Variants in CHD5 observed in about 807,000 individuals in gnomAD.
The protein encoded by CHD5 is chromodomain helicase DNA binding protein 5, also known as ATP-dependent chromatin remodeler CHD5.
In CHD5, 69 loss-of-function variants were observed where a neutral mutation model predicts 230.3. The ratio of observed to expected loss-of-function variants is 0.30; its 90% CI spans 0.25 to 0.37. The LOEUF (loss-of-function observed/expected upper bound fraction) is 0.37, where lower values mean the gene tolerates loss of function less well. Among genes scored for constraint, CHD5 ranks in the 10% least tolerant of loss-of-function variants. The pLI is 1.00. For missense variants in CHD5, 1,827 were observed against 2,622.8 expected (o/e 0.70, Z 6.63); for synonymous variants, 1,064 against 1,065.9 (o/e 1.00, Z 0.03).
In CHD5 at chr1:6,109,925, C is replaced by G; in HGVS notation, c.5448G>C (p.Gln1816His). The change falls in exon 38 of 42, where the codon CAG becomes CAC. Residue 1816 changes from glutamine to histidine, a missense_variant. Coordinates refer to ENST00000262450, the MANE Select transcript of CHD5 (RefSeq NM_015557.3). ...LRRAAYLNMTQDPNHPAMALN... is the reference protein window; with the variant it reads ...LRRAAYLNMTHDPNHPAMALN... Reference sequence around the variant, plus strand: ...GGGCCATGGCGGGGTGGTTGGGGTCCTGCGTCATGTTCAGGTACGCGGCCC... The same window carrying G: ...GGGCCATGGCGGGGTGGTTGGGGTCGTGCGTCATGTTCAGGTACGCGGCCC... 3 of 1,607,224 alleles carry G rather than the reference C, an allele frequency of 1.9e-6. No individual in the cohort carries two copies. Among genetic ancestry groups the G allele is most frequent in the Non-Finnish European group, 2.5e-6 (3 of 1,177,196 alleles).
Position 6,155,446 on chromosome 1 carries a change from G to A in CHD5, c.506+153C>T, listed in dbSNP as rs1179772346. Among the ~76,000 whole-genome samples the A allele has an allele frequency of 2.0e-5, 3 of 152,018 alleles. No homozygotes were observed. On this transcript the variant is annotated intron_variant, in intron 4 of 41. Coordinates refer to ENST00000262450, the MANE Select transcript of CHD5 (RefSeq NM_015557.3). The surrounding 1 kb of genome is among the most constrained non-coding windows in gnomAD (Gnocchi z 4.0). ...TGGTCTGTTAACATGAAGGGGTCCT[G>A]CCCCCTCCCTCCAGCTCCCCCAGGT...
chr1:6,133,931 T>C lies in CHD5; in HGVS notation c.3144+197A>G, dbSNP rs367593471. ...AGGTGTGGGGAGATGTTGCTCTTTA[T>C]GGCAAATGTGTTCTGAGCTCCTCAG... On this transcript the variant is annotated intron_variant, in intron 20 of 41. Transcript: ENST00000262450. 5.6e-3 allele frequency among the ~76,000 whole-genome samples: 852 copies of C among 152,298 alleles called. 9 individuals are homozygous for C. Among genetic ancestry groups the C allele is most frequent in the South Asian group, 0.019 (90 of 4,826 alleles).
At chr1:6,133,291 GT>G (rs1666687516) in intron 20 of CHD5, among the ~76,000 whole-genome samples, 1 of 152,154 alleles carries the variant, frequency 6.6e-6, no homozygotes, top group Admixed American at 6.5e-5. Context: ...GGGGATGTGG[GT>G]CCATCTCCAC....
chr1:6,134,257 C>G lies in CHD5; in HGVS notation c.3015G>C (p.Glu1005Asp), dbSNP rs755006150. Residue 1005 changes from glutamate (E) to aspartate (D), a missense_variant and splice_region_variant, in exon 20 of 42, where the codon GAG (glutamate) becomes GAC (aspartate). By Grantham distance (45) the Glu-to-Asp change is conservative. Around this residue, in one of 14 missense-constraint regions of CHD5, gnomAD observed 38 missense variants for 49.5 expected, o/e 0.77. Transcript: ENST00000262450. This position sits in a 1 kb window ranked among gnomAD's most constrained non-coding sequence, Gnocchi z 6.3. ...AGGAGCCATTGGGCAAGACAGGGGC[C>G]TCCTGCAGACACAGCAGGAGGTGGG... ...HPYLFPVAAV[E>D]APVLPNGSYD... 1 of 1,612,810 alleles carries G rather than the reference C, an allele frequency of 6.2e-7. No homozygotes were observed. The highest frequency in any genetic ancestry group is 1.1e-5 in the South Asian group (1 of 91,082).
Position 6,180,053 on chromosome 1 carries a change from GC to G in CHD5, c.-31del, listed in dbSNP as rs375320873. ...GGCGCGGGGAGGAGGGGAGGTGGGCGCCCCCCCTCCCGCCGGGCGCGGTGCC... is the reference window on the plus strand; with the variant it reads ...GGCGCGGGGAGGAGGGGAGGTGGGCGCCCCCCTCCCGCCGGGCGCGGTGCC... On this transcript the variant is annotated 5_prime_UTR_variant, in exon 1 of 42. Coordinates refer to ENST00000262450, the MANE Select transcript of CHD5 (RefSeq NM_015557.3). 66 of 1,204,400 alleles carry G rather than the reference GC, an allele frequency of 5.5e-5. 1 individual carries two copies. In the East Asian group the frequency reaches 6.2e-4, roughly 11 times the overall value. 74.6% of individuals were successfully genotyped at this position (1,204,400 alleles called of 1,614,324 possible). A position where few individuals can be genotyped will look rare whatever the true frequency, so the allele number is the denominator to read the frequency against.
chr1:6,148,171 C>T (rs1666940665), intron 9 of CHD5, among the ~76,000 whole-genome samples: 1 of 152,198 alleles, frequency 6.6e-6, no homozygotes, highest in South Asian at 2.1e-4. Flanking sequence ...GGAGGCACAG[C>T]CCAGGACCTG....
chr1:6,158,534 G>T (rs1667113962), intron 3 of CHD5, among the ~76,000 whole-genome samples: 1 of 152,208 alleles, frequency 6.6e-6, no homozygotes, highest in African/African-American at 2.4e-5. Flanking sequence ...AATTAGCTGT[G>T]CGTGGTGATG....
At chr1:6,119,850 T>TTA (rs139280601) in intron 33 of CHD5, among the ~76,000 whole-genome samples, 16,148 of 134,408 alleles carry the variant, frequency 0.12, 1,206 homozygotes, top group South Asian at 0.23. Context: ...TATGTGTGTA[T>TTA]TATATATATA....
At position 6,113,105 on chromosome 1, in the gene CHD5, G is replaced by A. The variant is rs559392178; in HGVS notation, c.4913-107C>T. The A allele has an allele frequency of 3.7e-4, 288 of 779,040 alleles. 1 individual carries two copies. The highest frequency in any genetic ancestry group is 2.0e-3 in the African/African-American group (119 of 58,178). The allele number at this position is 779,040 out of a possible 1,614,324, so 48.3% of individuals were successfully genotyped here. Reference sequence around the variant, plus strand: ...GGAACCCTATCCATCAATATGTTCCGCAGAGTCCAACAGGTGCCACCAAAA... The same window carrying A: ...GGAACCCTATCCATCAATATGTTCCACAGAGTCCAACAGGTGCCACCAAAA... On this transcript the variant is annotated intron_variant, in intron 33 of 41. Coordinates refer to ENST00000262450, the MANE Select transcript of CHD5 (RefSeq NM_015557.3).
intron 17 of CHD5, among the ~76,000 whole-genome samples, chr1:6,136,065 G>A (rs562621993): frequency 5.3e-5 from 8 of 151,700 alleles, no homozygotes; most frequent in African/African-American, 9.7e-5. Flanking sequence ...TTCCAAAATC[G>A]ACACTGTGCA....
chr1:6,149,773 G>GGATGGATGGATGGATGGACA lies in CHD5; in HGVS notation c.995-381_995-362dup, dbSNP rs1360237327. 2.7e-3 allele frequency among the ~76,000 whole-genome samples: 403 copies of GGATGGATGGATGGATGGACA among 150,320 alleles called. 2 individuals carry two copies. Among genetic ancestry groups the GGATGGATGGATGGATGGACA allele is most frequent in the African/African-American group, 9.5e-3 (388 of 40,822 alleles). ...GACAAATGGAAATGGGTGGACTGAT[G>GGATGGATGGATGGATGGACA]GATGGATGGATGGATGGACAAATGG... On this transcript the variant is annotated intron_variant, in intron 7 of 41. Coordinates refer to ENST00000262450, the MANE Select transcript of CHD5 (RefSeq NM_015557.3).
Position 6,126,895 on chromosome 1 carries a change from C to T in CHD5, c.3904-149G>A. On this transcript the variant is annotated intron_variant, in intron 25 of 41. Coordinates refer to ENST00000262450, the MANE Select transcript of CHD5 (RefSeq NM_015557.3). This position sits in a 1 kb window ranked among gnomAD's most constrained non-coding sequence, Gnocchi z 5.7. ...CCTACTCCAGGAAGCCTTCTCTGAT[C>T]ACCCCGGCCCTAGCTAGCTTTTCTC... The T allele has an allele frequency of 1.5e-6, 1 of 657,632 alleles. No individual in the cohort carries two copies. The highest frequency in any genetic ancestry group is 2.6e-6 in the Non-Finnish European group (1 of 384,414). The allele number at this position is 657,632 out of a possible 1,614,324, so 40.7% of individuals were successfully genotyped here.
chr1:6,148,156 C>A (rs933200612), intron 9 of CHD5, among the ~76,000 whole-genome samples: 1 of 152,174 alleles, frequency 6.6e-6, no homozygotes, highest in Non-Finnish European at 1.5e-5. Context: ...CGGCCCAGGG[C>A]TAAAGGAGGC....
chr1:6,121,434 C>T lies in CHD5; in HGVS notation c.4779+60G>A. 6.6e-7 allele frequency: 1 copy of T among 1,525,850 alleles called. No homozygotes were observed. The highest frequency in any genetic ancestry group is 1.4e-5 in the African/African-American group (1 of 73,330). 94.5% of individuals were successfully genotyped at this position (1,525,850 alleles called of 1,614,324 possible). ...CTCGCTGTACAGGGCCTGAGAAGGTCCCCAGACCCAACCTCCACCCCACAC... is the reference window on the plus strand; with the variant it reads ...CTCGCTGTACAGGGCCTGAGAAGGTTCCCAGACCCAACCTCCACCCCACAC... On this transcript the variant is annotated intron_variant, in intron 32 of 41. Transcript: ENST00000262450. This position sits in a 1 kb window ranked among gnomAD's most constrained non-coding sequence, Gnocchi z 4.5.
At position 6,125,287 on chromosome 1, in the gene CHD5, G is replaced by T; in HGVS notation, c.4261-54C>A. 10 of 1,431,734 alleles carry T rather than the reference G, an allele frequency of 7.0e-6. No homozygotes were observed. Among genetic ancestry groups the T allele is most frequent in the Non-Finnish European group, 9.5e-6 (10 of 1,053,734 alleles). The allele number at this position is 1,431,734 out of a possible 1,614,324, so 88.7% of individuals were successfully genotyped here. ...CCCAGGACAGAGAGGGGTGGGGGTG[G>T]AGGATTCTGGGATGGGGGAAGAAAA... On this transcript the variant is annotated intron_variant, in intron 28 of 41. Coordinates refer to ENST00000262450, the MANE Select transcript of CHD5 (RefSeq NM_015557.3). This position sits in a 1 kb window ranked among gnomAD's most constrained non-coding sequence, Gnocchi z 6.7.
In CHD5 at chr1:6,130,720, G is replaced by C. The variant is rs1410508617; in HGVS notation, c.3263-392C>G. On this transcript the variant is annotated intron_variant, in intron 21 of 41. Transcript: ENST00000262450. This position sits in a 1 kb window ranked among gnomAD's most constrained non-coding sequence, Gnocchi z 4.9. ...TTCCCTTAGCCCACCGATGCTGCCA[G>C]GGCAGCCCGGGAAAACTCAGGGGCG... 6.6e-6 allele frequency among the ~76,000 whole-genome samples: 1 copy of C among 152,228 alleles called. No individual in the cohort carries two copies. The highest frequency in any genetic ancestry group is 1.9e-4 in the East Asian group (1 of 5,180).
chr1:6,124,666 G>T lies in CHD5; in HGVS notation c.4395-5C>A. 3 of 1,426,010 alleles carry T rather than the reference G, an allele frequency of 2.1e-6. No homozygotes were observed. The highest frequency in any genetic ancestry group is 2.9e-6 in the Non-Finnish European group (3 of 1,047,408). 88.3% of individuals were successfully genotyped at this position (1,426,010 alleles called of 1,614,324 possible). On this transcript the variant is annotated splice_polypyrimidine_tract_variant and splice_region_variant and intron_variant, in intron 29 of 41. Transcript: ENST00000262450. ...ATGAAGAGGGACACATAGGCTCTGGGGTGGGGGGGGGGGACTGGGGCTCAG... is the reference window on the plus strand; with the variant it reads ...ATGAAGAGGGACACATAGGCTCTGGTGTGGGGGGGGGGGACTGGGGCTCAG...
rs546984851 is a variant in CHD5 at position 6,154,628 on chromosome 1, G to A, written c.745+32C>T. 2.9e-4 allele frequency: 441 copies of A among 1,519,936 alleles called. 4 individuals are homozygous for A. In the East Asian group the frequency reaches 9.2e-3, roughly 32 times the overall value. The allele number at this position is 1,519,936 out of a possible 1,614,324, so 94.2% of individuals were successfully genotyped here. On this transcript the variant is annotated intron_variant, in intron 5 of 41. Transcript: ENST00000262450. The surrounding 1 kb of genome is among the most constrained non-coding windows in gnomAD (Gnocchi z 7.0). ...GGTCTGAAAGGGACCTCTTCCCAGC[G>A]GGACTAGGTGCCCACCCAACCCCAG... is the stretch of plus-strand genomic sequence containing the variant.
In CHD5 at chr1:6,124,042, C is replaced by G. The variant is rs1290913801; in HGVS notation, c.4605G>C (p.Glu1535Asp). ...STPDLIPEGPEGKKSGEVISS... is the reference protein window; with the variant it reads ...STPDLIPEGPDGKKSGEVISS... The stretch of plus-strand genomic sequence containing the variant: ...AGATCACCTCGCCCGACTTCTTCCC[C>G]TCGGGCCCCTCAGGGATCAAGTCTG... Residue 1535 changes from glutamate (E) to aspartate (D), a missense_variant, in exon 31 of 42, where the codon GAG becomes GAC. Glu to Asp is a conservative substitution (Grantham distance 45). Transcript: ENST00000262450. The G allele has an allele frequency of 6.2e-7, 1 of 1,613,310 alleles. No individual in the cohort carries two copies. Among genetic ancestry groups the G allele is most frequent in the South Asian group, 1.1e-5 (1 of 90,992 alleles).
Sources: gnomAD v4.1 joint callset for allele counts (sites outside exome capture counted in the v4.1 genomes callset) on GRCh38, gnomAD v4.1.1 for gene constraint, gnomAD v4.1.1 regional missense constraint, Gnocchi (gnomAD v3.1) non-coding constraint, MANE v1.5 for transcripts, NCBI Gene and HGNC (gene_info 2026-07-23, HGNC 2026-07-21) for gene names.